SUGCT: variants seen among roughly 807,000 people sequenced by gnomAD.
SUGCT encodes succinyl-CoA:glutarate-CoA transferase.
Under a neutral mutation model 55.0 loss-of-function variants are expected in SUGCT, and 41 were observed. The observed-to-expected ratio is 0.74, with a 90% CI of 0.58 to 0.97. SUGCT has a LOEUF of 0.97. Ranked by LOEUF, SUGCT falls within the 50% of genes least tolerant of loss-of-function variation. SUGCT has a pLI of 0.00. For synonymous variants in SUGCT, 187 were observed against 200.4 expected (o/e 0.93, Z 0.56); for missense variants, 568 against 547.8 (o/e 1.04, Z -0.37).
chr7:40,951,750 T>A, the SUGCT span, among the ~76,000 whole-genome samples: 1 of 152,214 alleles, frequency 6.6e-6, no homozygotes, highest in African/African-American at 2.4e-5. Context: ...AGTTTCCATG[T>A]AGTTGAGTGG....
chr7:40,209,595 G>A (rs1221580583), intron 6 of SUGCT, among the ~76,000 whole-genome samples: 2 of 152,162 alleles, frequency 1.3e-5, no homozygotes, highest in African/African-American at 4.8e-5. Context: ...TCCGGAGTTC[G>A]AGACCAGCCT....
chr7:40,725,993 T>C (rs556496978), intron 12 of SUGCT, among the ~76,000 whole-genome samples: 84 of 152,116 alleles, frequency 5.5e-4, no homozygotes, highest in Non-Finnish European at 9.6e-4. Flanking sequence ...GAAGATAATA[T>C]AAAATGAGTG....
intron 13 of SUGCT, among the ~76,000 whole-genome samples, chr7:40,843,460 A>C (rs1793382568): frequency 6.7e-6 from 1 of 148,224 alleles, no homozygotes; most frequent in African/African-American, 2.5e-5. Context: ...CAATGAGCTG[A>C]GATCACGCCA....
chr7:40,399,031 A>G (rs1242172661), intron 9 of SUGCT, among the ~76,000 whole-genome samples: 3 of 152,178 alleles, frequency 2.0e-5, no homozygotes, highest in Non-Finnish European at 4.4e-5. Context: ...TGCCACTGCA[A>G]TGTGGAAAGT....
chr7:40,490,245 G>A (rs188211750), intron 11 of SUGCT, among the ~76,000 whole-genome samples: 18 of 152,276 alleles, frequency 1.2e-4, no homozygotes, highest in Non-Finnish European at 2.4e-4. Flanking sequence ...AGTTTCTCTT[G>A]TGTGGTACCT....
At chr7:40,444,321 C>A (rs1788690207) in intron 9 of SUGCT, among the ~76,000 whole-genome samples, 1 of 152,076 alleles carries the variant, frequency 6.6e-6, no homozygotes, top group Admixed American at 6.5e-5. Flanking sequence ...GGCAGTATGG[C>A]CATTTTCATG....
chr7:40,242,904 G>GGC (rs1339701540), intron 7 of SUGCT, among the ~76,000 whole-genome samples: 1 of 73,676 alleles, frequency 1.4e-5, no homozygotes, highest in Non-Finnish European at 2.5e-5. Flanking sequence ...TGTGCTATGT[G>GGC]GCATATATAT....
rs1239643187 is a variant in SUGCT, at chr7:40,679,386, A to G, written c.1090-70048A>G. Among the ~76,000 whole-genome samples, 6 of 152,102 alleles carry G rather than the reference A, an allele frequency of 3.9e-5. 1 individual carries two copies. Among genetic ancestry groups the G allele is most frequent in the Non-Finnish European group, 7.4e-5 (5 of 68,024 alleles). ...CTGATAAGAACAGATGACCAGCTCA[A>G]AGGTGTACATTAAAATGAACACTTG... On this transcript the variant is annotated intron_variant, in intron 12 of 13. Transcript: ENST00000335693.
At chr7:40,796,922 G>C (rs17620991) in intron 13 of SUGCT, among the ~76,000 whole-genome samples, 17,522 of 152,212 alleles carry the variant, frequency 0.12, 1,329 homozygotes, top group South Asian at 0.23. Flanking sequence ...AGACAAGGCA[G>C]GTCCCTGAGG....
At chr7:40,454,446 T>C (rs1481167144) in intron 10 of SUGCT, among the ~76,000 whole-genome samples, 2 of 152,192 alleles carry the variant, frequency 1.3e-5, no homozygotes, top group Non-Finnish European at 2.9e-5. Context: ...TCATAGAGTG[T>C]ACTTACACAA....
At chr7:40,273,605 T>A (rs953172908) in intron 7 of SUGCT, among the ~76,000 whole-genome samples, 2 of 152,210 alleles carry the variant, frequency 1.3e-5, no homozygotes, top group African/African-American at 4.8e-5. Flanking sequence ...GATTGGATTG[T>A]CAAATCAGAC....
At chr7:40,425,660 T>C (rs1787550736) in intron 9 of SUGCT, among the ~76,000 whole-genome samples, 1 of 152,140 alleles carries the variant, frequency 6.6e-6, no homozygotes, top group African/African-American at 2.4e-5. Context: ...GGAGCCTTAG[T>C]TGTGGGGATC....
intron 12 of SUGCT, chr7:40,499,046 T>C: frequency 2.2e-6 from 1 of 456,716 alleles, no homozygotes; most frequent in Non-Finnish European, 4.4e-6. Context: ...TCTGATGAGC[T>C]GCAGAGTTTC....
At chr7:40,523,170 A>G (rs980019801) in intron 12 of SUGCT, among the ~76,000 whole-genome samples, 4 of 152,048 alleles carry the variant, frequency 2.6e-5, no homozygotes, top group Non-Finnish European at 5.9e-5. Context: ...ATTGGTGGAT[A>G]TTATTCTTTT....
At chr7:40,628,865 C>G (rs1799649623) in intron 12 of SUGCT, among the ~76,000 whole-genome samples, 1 of 152,056 alleles carries the variant, frequency 6.6e-6, no homozygotes, top group Admixed American at 6.6e-5. Flanking sequence ...CTCAGAGTCT[C>G]TAGTAGCTGG....
the SUGCT span, among the ~76,000 whole-genome samples, chr7:40,911,739 A>T: frequency 6.6e-6 from 1 of 152,154 alleles, no homozygotes; most frequent in African/African-American, 2.4e-5. Context: ...GTCTCCACAC[A>T]TTGCCAAATG....
chr7:40,750,237 A>T (rs1381294127), intron 13 of SUGCT, among the ~76,000 whole-genome samples: 1 of 152,108 alleles, frequency 6.6e-6, no homozygotes, highest in Non-Finnish European at 1.5e-5. Context: ...TATTACCTTT[A>T]TCAGATATGT....
intron 1 of SUGCT, among the ~76,000 whole-genome samples, chr7:40,148,218 A>T (rs1788367320): frequency 6.6e-6 from 1 of 151,624 alleles, no homozygotes; most frequent in African/African-American, 2.4e-5. Context: ...TTTATGAGGA[A>T]GTTAAGTTTA....
chr7:40,390,047 C>T (rs916923055), intron 9 of SUGCT, among the ~76,000 whole-genome samples: 19 of 152,160 alleles, frequency 1.2e-4, no homozygotes, highest in African/African-American at 4.1e-4. Flanking sequence ...ATGATTATCT[C>T]AATAGATGCA....
Sources: allele counts gnomAD v4.1 joint callset (sites outside exome capture counted in the v4.1 genomes callset), GRCh38; gene constraint gnomAD v4.1.1; transcripts MANE v1.5; gene names NCBI Gene and HGNC (gene_info 2026-07-23, HGNC 2026-07-21).